CRYBG3: variants seen among roughly 807,000 people sequenced by gnomAD.
The protein encoded by CRYBG3 is crystallin beta-gamma domain containing 3, also known as very large A-kinase anchor protein.
CRYBG3 carries 127 observed loss-of-function variants against 244.2 expected under a neutral mutation model. That is an observed-to-expected ratio of 0.52 (90% CI 0.45 to 0.60). The LOEUF (loss-of-function observed/expected upper bound fraction) is 0.60, where lower values mean the gene tolerates loss of function less well. CRYBG3 is among the 20% of genes least tolerant of loss of function. CRYBG3 has a pLI of 0.00. For synonymous variants in CRYBG3, 1,132 were observed against 1,195.8 expected, an observed-to-expected ratio of 0.95 and a Z score of 1.10; for missense variants, 3,325 against 3,442.5, an observed-to-expected ratio of 0.97 and a Z score of 0.85.
Position 97,873,209 on chromosome 3 carries a change from C to T in CRYBG3, c.2015C>T (p.Pro672Leu), listed in dbSNP as rs748407669. The T allele has an allele frequency of 1.4e-5, 22 of 1,535,864 alleles. No individual in the cohort carries two copies. The South Asian group carries it at 2.6e-4, about 18-fold the overall frequency. ...GVGMLSKLDI[P>L]DLMNEGSPVP... ...GGGATGCTGAGCAAGTTGGATATTCCTGATTTAATGAATGAGGGTTCTCCT... is the reference window on the plus strand; with the variant it reads ...GGGATGCTGAGCAAGTTGGATATTCTTGATTTAATGAATGAGGGTTCTCCT... The change falls in exon 4 of 22, where the codon CCT (proline) becomes CTT (leucine). Residue 672 changes from proline to leucine, a missense_variant. This residue lies in a region of CRYBG3 where 1,526 missense variants were observed against 1,443.2 expected (regional missense o/e 1.06). Coordinates refer to ENST00000389622, the MANE Select transcript of CRYBG3 (RefSeq NM_153605.4).
At chr3:97,868,381 A>G (rs2039261658) in intron 3 of CRYBG3, among the ~76,000 whole-genome samples, 1 of 152,180 alleles carries the variant, frequency 6.6e-6, no homozygotes. Flanking sequence ...TAACCTTTTA[A>G]AAATGGAAAG....
chr3:97,940,439 C>T (rs2040215219), intron 19 of CRYBG3, among the ~76,000 whole-genome samples: 1 of 152,000 alleles, frequency 6.6e-6, no homozygotes, highest in Non-Finnish European at 1.5e-5. Flanking sequence ...GCACAGAATG[C>T]ATTTAGCATG....
chr3:97,876,045 A>G lies in CRYBG3; in HGVS notation c.4851A>G (p.Gly1617=). 1 of 1,232,100 alleles carries G rather than the reference A, an allele frequency of 8.1e-7. No homozygotes were observed. Among genetic ancestry groups the G allele is most frequent in the Non-Finnish European group, 1.0e-6 (1 of 987,944 alleles). 76.3% of individuals were successfully genotyped at this position (1,232,100 alleles called of 1,614,324 possible). A position where few individuals can be genotyped will look rare whatever the true frequency, so the allele number is the denominator to read the frequency against. Reference sequence around the variant, plus strand: ...CTGAGGGATCAGCTGTCATTTTAGGAATGGAAAAAGCTTATAAGATGAAGG... The same window carrying G: ...CTGAGGGATCAGCTGTCATTTTAGGGATGGAAAAAGCTTATAAGATGAAGG... The part of the protein sequence containing the change: ...EKTEGSAVIL[G]MEKAYKMKDT... Residue 1617 remains glycine (G), a synonymous_variant, in exon 4 of 22, where the codon GGA becomes GGG. Coordinates refer to ENST00000389622, the MANE Select transcript of CRYBG3 (RefSeq NM_153605.4).
At chr3:97,903,808 A>C (rs182513103) in intron 15 of CRYBG3, among the ~76,000 whole-genome samples, 6 of 152,284 alleles carry the variant, frequency 3.9e-5, no homozygotes, top group Admixed American at 3.3e-4. Context: ...AGTGGAGATA[A>C]TTTCTGCTCA....
At chr3:97,901,017 G>T (rs572421139) in intron 15 of CRYBG3, among the ~76,000 whole-genome samples, 1 of 152,160 alleles carries the variant, frequency 6.6e-6, no homozygotes, top group African/African-American at 2.4e-5. Context: ...GCTAGAAATT[G>T]TGCCTATTTA....
chr3:97,872,164 C>G lies in CRYBG3; in HGVS notation c.970C>G (p.Gln324Glu). The G allele has an allele frequency of 1.3e-6, 2 of 1,535,740 alleles. No homozygotes were observed. Among genetic ancestry groups the G allele is most frequent in the Non-Finnish European group, 1.7e-6 (2 of 1,146,600 alleles). The change falls in exon 4 of 22, where the codon CAG becomes GAG. Residue 324 changes from glutamine (Q) to glutamate (E), a missense_variant. Gln to Glu is a conservative substitution (Grantham distance 29, BLOSUM62 2). This residue lies in a region of CRYBG3 where 1,526 missense variants were observed against 1,443.2 expected (regional missense o/e 1.06). Transcript: ENST00000389622. ...TTCTTTGACAAATAACCCAGAACTG[C>G]AGAATATTGCCTCTTCCAATAATCT... ...ENSLTNNPELQNIASSNNLLN... is the reference protein window; with the variant it reads ...ENSLTNNPELENIASSNNLLN...
Position 97,886,638 on chromosome 3 carries a change from G to C in CRYBG3, c.7160G>C (p.Ser2387Thr), listed in dbSNP as rs768074277. The part of the protein sequence containing the change: ...GSLKRVLKDC[S>T]IPEIELFPQS... ...ATTATTTTTTTTTTTCAGGACTGCA[G>C]CATTCCAGAAATAGAGCTTTTCCCA... The change falls in exon 8 of 22, where the codon AGC (serine) becomes ACC (threonine). Residue 2387 changes from serine to threonine, a missense_variant. Physicochemically the swap from Ser to Thr is moderately conservative, Grantham distance 58. Coordinates refer to ENST00000389622, the MANE Select transcript of CRYBG3 (RefSeq NM_153605.4). 19 of 1,602,712 alleles carry C rather than the reference G, an allele frequency of 1.2e-5. No homozygotes were observed. Among genetic ancestry groups the C allele is most frequent in the Non-Finnish European group, 1.6e-5 (19 of 1,176,544 alleles).
Position 97,899,236 on chromosome 3 carries a change from A to T in CRYBG3, c.7944A>T (p.Ile2648=), listed in dbSNP as rs1164729505. The T allele has an allele frequency of 3.7e-6, 6 of 1,613,648 alleles. No homozygotes were observed. Among genetic ancestry groups the T allele is most frequent in the Non-Finnish European group, 5.1e-6 (6 of 1,179,804 alleles). ...CFFDWGGSNN[I]IMSIRPIQLE... is the part of the protein sequence containing the mutation. ...TTGACTGGGGAGGATCAAATAATAT[A>T]ATCATGTCGATACGGCCAATCCAAC... Residue 2648 remains isoleucine (I), a synonymous_variant, in exon 14 of 22, where the codon ATA becomes ATT. Transcript: ENST00000389622.
intron 2 of CRYBG3, among the ~76,000 whole-genome samples, chr3:97,849,438 T>TAAAAAAA (rs149006625): frequency 1.2e-4 from 17 of 146,222 alleles, no homozygotes; most frequent in African/African-American, 3.7e-4. Flanking sequence ...TGATTGCTTC[T>TAAAAAAA]AAAAAAAAAA....
intron 17 of CRYBG3, among the ~76,000 whole-genome samples, chr3:97,916,046 G>A (rs1430238103): frequency 1.3e-5 from 2 of 152,076 alleles, no homozygotes; most frequent in East Asian, 3.8e-4. Context: ...TTACCCATCT[G>A]TAAAAATAAA....
intron 9 of CRYBG3, among the ~76,000 whole-genome samples, chr3:97,889,100 T>G (rs1187125249): frequency 6.6e-6 from 1 of 152,190 alleles, no homozygotes; most frequent in Non-Finnish European, 1.5e-5. Context: ...TCCTTCCTCA[T>G]AGTAGTTGTA....
chr3:97,881,816 G>C (rs1466311200), intron 7 of CRYBG3, among the ~76,000 whole-genome samples: 2 of 148,716 alleles, frequency 1.3e-5, no homozygotes, highest in Non-Finnish European at 2.9e-5. Flanking sequence ...AATAGGAATA[G>C]TATTCTCCTA....
At chr3:97,866,048 A>C (rs2039226082) in intron 3 of CRYBG3, among the ~76,000 whole-genome samples, 1 of 152,332 alleles carries the variant, frequency 6.6e-6, no homozygotes, top group East Asian at 1.9e-4. Context: ...CAAATCTTTC[A>C]AATAAAAGAA....
chr3:97,879,879 TG>T, intron 5 of CRYBG3, 105 bp from the exon 6 acceptor site: 2 of 908,826 alleles, frequency 2.2e-6, no homozygotes, highest in Non-Finnish European at 3.5e-6. Context: ...CATTTGCTTT[TG>T]TATATTTAGG....
At chr3:97,911,243 G>C (rs1262076756) in intron 15 of CRYBG3, among the ~76,000 whole-genome samples, 16 of 152,178 alleles carry the variant, frequency 1.1e-4, no homozygotes, top group Non-Finnish European at 2.4e-4. Flanking sequence ...ATGAGCAGAT[G>C]GTTTGTTGTG....
chr3:97,852,611 C>T (rs1024660566), intron 2 of CRYBG3, among the ~76,000 whole-genome samples: 6 of 152,180 alleles, frequency 3.9e-5, no homozygotes, highest in African/African-American at 1.4e-4. Flanking sequence ...CCATACTTAG[C>T]TGTTGTAAAT....
At position 97,860,132 on chromosome 3, in the gene CRYBG3, A is replaced by G. The variant is rs188574596; in HGVS notation, c.217-4085A>G. On this transcript the variant is annotated intron_variant, in intron 2 of 21. Transcript: ENST00000389622. ...TAGCTACTCACTGTTTAGCACCTCAAGTTTTGGACTGAACACATGAATTCT... is the reference window on the plus strand; with the variant it reads ...TAGCTACTCACTGTTTAGCACCTCAGGTTTTGGACTGAACACATGAATTCT... Among the ~76,000 whole-genome samples the G allele has an allele frequency of 5.6e-3, 856 of 152,194 alleles. 5 individuals carry two copies. Among genetic ancestry groups the G allele is most frequent in the African/African-American group, 0.017 (721 of 41,544 alleles).
chr3:97,936,589 G>A (rs556922073), intron 18 of CRYBG3, among the ~76,000 whole-genome samples, 196 bp from the exon 19 acceptor site: 2 of 152,210 alleles, frequency 1.3e-5, no homozygotes, highest in South Asian at 4.1e-4. Flanking sequence ...ATTGTAACTG[G>A]AACCCAAATC....
chr3:97,904,986 G>C (rs1264431506), intron 15 of CRYBG3, among the ~76,000 whole-genome samples: 1 of 150,284 alleles, frequency 6.7e-6, no homozygotes, highest in African/African-American at 2.5e-5. Flanking sequence ...AGAATATGCG[G>C]TGTTTGGTTT....
Sources: allele counts gnomAD v4.1 joint callset (sites outside exome capture counted in the v4.1 genomes callset), GRCh38; gene constraint gnomAD v4.1.1; regional missense constraint gnomAD v4.1.1; transcripts MANE v1.5; gene names NCBI Gene and HGNC (gene_info 2026-07-23, HGNC 2026-07-21).